Variants in MYPN observed in about 807,000 individuals in gnomAD.
The protein encoded by MYPN is myopalladin, also known as sarcomeric protein myopalladin, 145 kDa (MYOP).
A neutral mutation model predicts 129.4 loss-of-function variants in MYPN; 63 were observed. That is an observed-to-expected ratio of 0.49 (90% CI 0.40 to 0.60). The LOEUF is 0.60. MYPN is among the 20% of genes least tolerant of loss of function. MYPN has a pLI of 0.00. For missense variants in MYPN, 1,596 were observed against 1,635.4 expected (o/e 0.98, Z 0.42); for synonymous variants, 629 against 600.9 (o/e 1.05, Z -0.68).
chr10:68,210,332 T>C lies in MYPN; in HGVS notation c.3840T>C (p.Ser1280=), dbSNP rs759601806. ...CACCGCCCATGTCTGTCCGGCCCAG[T>C]GGCAGTCGCTACGGATCTCTCACCA... The part of the protein sequence containing the change: ...QIPPPMSVRP[S]GSRYGSLTSK... The change falls in exon 20 of 20, where the codon AGT becomes AGC. Residue 1280 remains serine, a synonymous_variant. Coordinates refer to ENST00000358913, the MANE Select transcript of MYPN (RefSeq NM_032578.4). The C allele has an allele frequency of 1.2e-6, 2 of 1,614,044 alleles. No homozygotes were observed. Among genetic ancestry groups the C allele is most frequent in the Non-Finnish European group, 1.7e-6 (2 of 1,180,032 alleles).
At chr10:68,104,941 G>A (rs539465991), upstream of MYPN, among the ~76,000 whole-genome samples, 43 of 151,920 alleles carry the variant, frequency 2.8e-4, no homozygotes, top group African/African-American at 9.9e-4. Context: ...GCACCACCAC[G>A]CCCAGCTAAT....
At chr10:68,177,178 C>T (rs560740049) in intron 12 of MYPN, among the ~76,000 whole-genome samples, 38 of 152,292 alleles carry the variant, frequency 2.5e-4, no homozygotes, top group African/African-American at 8.9e-4. Context: ...CATGTGTGTA[C>T]ATGTAAACGT....
chr10:68,188,053 A>AC (rs1554849047), intron 12 of MYPN, among the ~76,000 whole-genome samples: 1 of 151,988 alleles, frequency 6.6e-6, no homozygotes. Flanking sequence ...TTTTGTTGTG[A>AC]GGGGGGCAGA....
chr10:68,180,241 A>G (rs1398185896), intron 12 of MYPN, among the ~76,000 whole-genome samples: 4 of 152,220 alleles, frequency 2.6e-5, no homozygotes, highest in Non-Finnish European at 5.9e-5. Flanking sequence ...TGCAGAATGC[A>G]GTGGCGCATT....
rs995788596 is a variant in MYPN at position 68,211,290 on chromosome 10, C to T, written c.*835C>T. 2.2e-6 allele frequency: 1 copy of T among 454,080 alleles called. No homozygotes were observed. The highest frequency in any genetic ancestry group is 4.4e-6 in the Non-Finnish European group (1 of 226,798). The allele number at this position is 454,080 out of a possible 1,614,324, so 28.1% of individuals were successfully genotyped here. A position where few individuals can be genotyped will look rare whatever the true frequency, so the allele number is the denominator to read the frequency against. ...AACTACTAGCTTCAACTACCACTTA[C>T]AAAATGTGCAAGAGTCATCATTTGC... On this transcript the variant is annotated 3_prime_UTR_variant, in exon 20 of 20. Transcript: ENST00000358913.
At chr10:68,093,113 A>G (rs10823133) in intron 1 of MYPN, among the ~76,000 whole-genome samples, 22,628 of 152,036 alleles carry the variant, frequency 0.15, 2,912 homozygotes, top group East Asian at 0.72. Flanking sequence ...CTTGAGCTCA[A>G]GTGATCCTCC....
chr10:68,117,013 A>G (rs1564644640), intron 1 of MYPN, among the ~76,000 whole-genome samples: 1 of 152,084 alleles, frequency 6.6e-6, no homozygotes, highest in Non-Finnish European at 1.5e-5. Flanking sequence ...CGAGGTCAGG[A>G]GTTCAAGACC....
chr10:68,133,245 G>A (rs915174510), intron 2 of MYPN, among the ~76,000 whole-genome samples: 2 of 151,850 alleles, frequency 1.3e-5, no homozygotes. Context: ...AGCTAGTCTC[G>A]AACTCCTGAC....
At chr10:68,138,343 C>T (rs940754309) in intron 2 of MYPN, among the ~76,000 whole-genome samples, 4 of 151,684 alleles carry the variant, frequency 2.6e-5, no homozygotes, top group African/African-American at 9.7e-5. Context: ...TTCAAGTGAT[C>T]CACCCGCCTC....
upstream of MYPN, among the ~76,000 whole-genome samples, chr10:68,107,229 C>A (rs886153278): frequency 6.6e-6 from 1 of 151,410 alleles, no homozygotes; most frequent in Admixed American, 6.6e-5. Context: ...TTATATTCAG[C>A]TTTTTTTCAA....
upstream of MYPN, among the ~76,000 whole-genome samples, chr10:68,108,351 C>T (rs76691684): frequency 0.018 from 2,704 of 152,262 alleles, 85 homozygotes; most frequent in African/African-American, 0.061. Context: ...AATAGTCTCA[C>T]GATGACTGAA....
At chr10:68,133,826 A>G (rs896867146) in intron 2 of MYPN, among the ~76,000 whole-genome samples, 1 of 151,132 alleles carries the variant, frequency 6.6e-6, no homozygotes, top group African/African-American at 2.4e-5. Flanking sequence ...GCAGGGCAGC[A>G]TCCCAGATAG....
At chr10:68,106,551 AG>A (rs1239349205), upstream of MYPN, 3 of 673,022 alleles carry the variant, frequency 4.5e-6, no homozygotes, top group Middle Eastern at 3.8e-4. Context: ...GGTTTTGTTT[AG>A]TTTTTTCATC....
intron 2 of MYPN, among the ~76,000 whole-genome samples, chr10:68,123,239 G>A (rs897511035): frequency 6.6e-6 from 1 of 152,072 alleles, no homozygotes; most frequent in Non-Finnish European, 1.5e-5. Flanking sequence ...TTAGCCGGGC[G>A]TGGTAACAGG....
At chr10:68,180,639 G>A (rs1010773974) in intron 12 of MYPN, among the ~76,000 whole-genome samples, 2 of 152,226 alleles carry the variant, frequency 1.3e-5, no homozygotes, top group Non-Finnish European at 2.9e-5. Flanking sequence ...AGGTCTTCTA[G>A]CTGGCTTGAT....
At chr10:68,135,869 T>C (rs1032678438) in intron 2 of MYPN, among the ~76,000 whole-genome samples, 2 of 151,894 alleles carry the variant, frequency 1.3e-5, no homozygotes, top group Admixed American at 6.6e-5. Flanking sequence ...TACAAATAAA[T>C]ATATAATTAT....
intron 6 of MYPN, among the ~76,000 whole-genome samples, chr10:68,155,003 A>G (rs1051970760): frequency 2.6e-5 from 4 of 152,026 alleles, no homozygotes; most frequent in African/African-American, 4.8e-5. Flanking sequence ...AAGATGGCAA[A>G]ACCCCGTCTC....
At chr10:68,208,946 G>A (rs566142301) in intron 19 of MYPN, among the ~76,000 whole-genome samples, 34 of 152,338 alleles carry the variant, frequency 2.2e-4, no homozygotes, top group Admixed American at 1.7e-3. Context: ...GACTGCGCAA[G>A]AGCAGGCCTT....
rs902564987 is a variant in MYPN, at chr10:68,097,780, A to T, written c.-2+9788A>T. On this transcript the variant is annotated intron_variant, in intron 1 of 6. Transcript: ENST00000685154. ...TCATCTTACTATATAGCTGATTTAA[A>T]AAAAAAAAAATCCGTGTCCAAACCA... is the stretch of plus-strand genomic sequence containing the variant. Among the ~76,000 whole-genome samples, 38 of 74,272 alleles carry T rather than the reference A, an allele frequency of 5.1e-4. No individual in the cohort carries two copies. The African/African-American group carries it at 7.1e-3, about 14-fold the overall frequency. The allele number at this position is 74,272 out of a possible 152,430, so 48.7% of individuals were successfully genotyped here.
Sources: allele counts gnomAD v4.1 joint callset (sites outside exome capture counted in the v4.1 genomes callset), GRCh38; gene constraint gnomAD v4.1.1; transcripts MANE v1.5; gene names NCBI Gene and HGNC (gene_info 2026-07-23, HGNC 2026-07-21).